SYT1: variants seen among roughly 807,000 people sequenced by gnomAD.
SYT1 encodes synaptotagmin-1.
A neutral mutation model predicts 44.8 loss-of-function variants in SYT1; 8 were observed. The observed-to-expected ratio is 0.18, with a 90% confidence interval of 0.10 to 0.32. SYT1 has a LOEUF of 0.32. Among genes scored for constraint, SYT1 ranks in the 10% least tolerant of loss-of-function variants. SYT1 has a pLI of 1.00. For synonymous variants in SYT1, 154 were observed against 188.8 expected (o/e 0.82, Z 1.51); for missense variants, 286 against 509.3 (o/e 0.56, Z 4.22).
intron 8 of SYT1, among the ~76,000 whole-genome samples, chr12:79,349,033 A>AAGAAAGAAAGAAAGAAAGAAAG (rs1367804411): frequency 2.5e-5 from 3 of 120,210 alleles, no homozygotes; most frequent in African/African-American, 9.8e-5. Flanking sequence ...GAAAGAAAGA[A>AAGAAAGAAAGAAAGAAAGAAAG]AAAGAAAGAA....
At chr12:79,266,625 G>A (rs763976640) in intron 4 of SYT1, among the ~76,000 whole-genome samples, 5 of 152,158 alleles carry the variant, frequency 3.3e-5, no homozygotes, top group Admixed American at 1.3e-4. Context: ...CCCTTCAGAC[G>A]CAAGAACAGA....
At chr12:78,904,110 C>A (rs958519787) in intron 1 of SYT1, among the ~76,000 whole-genome samples, 2 of 151,824 alleles carry the variant, frequency 1.3e-5, no homozygotes, top group Non-Finnish European at 2.9e-5. Flanking sequence ...AGTCATAAAC[C>A]AAATTTACTA....
At chr12:79,194,178 A>C (rs967213696) in intron 3 of SYT1, among the ~76,000 whole-genome samples, 5 of 152,186 alleles carry the variant, frequency 3.3e-5, no homozygotes, top group Non-Finnish European at 7.3e-5. Flanking sequence ...CCTGTCTCTC[A>C]GTAAATCTAG....
chr12:79,270,018 T>C (rs1005733063), intron 4 of SYT1, among the ~76,000 whole-genome samples: 5 of 152,202 alleles, frequency 3.3e-5, no homozygotes, highest in Admixed American at 3.3e-4. Flanking sequence ...AATGCACATA[T>C]TTCCAGAACT....
chr12:79,206,850 G>C (rs1874159062), intron 3 of SYT1, among the ~76,000 whole-genome samples: 1 of 152,214 alleles, frequency 6.6e-6, no homozygotes, highest in Non-Finnish European at 1.5e-5. Flanking sequence ...ACTATGTAGT[G>C]AAACTCAGAT....
intron 3 of SYT1, among the ~76,000 whole-genome samples, chr12:79,113,498 A>AC (rs560260695): frequency 7.9e-4 from 120 of 152,220 alleles, no homozygotes; most frequent in Non-Finnish European, 1.3e-3. Flanking sequence ...TGTCAATTGA[A>AC]TTTTGGAAAT....
chr12:79,313,214 T>G (rs1225093378), intron 8 of SYT1, among the ~76,000 whole-genome samples: 1 of 152,204 alleles, frequency 6.6e-6, no homozygotes, highest in Non-Finnish European at 1.5e-5. Context: ...CTTTTACAGT[T>G]TCACATGTGT....
At chr12:79,096,434 A>G (rs1878136158) in intron 3 of SYT1, among the ~76,000 whole-genome samples, 1 of 151,966 alleles carries the variant, frequency 6.6e-6, no homozygotes, top group Non-Finnish European at 1.5e-5. Context: ...TATACCAGCT[A>G]GCAGGGATCT....
intron 8 of SYT1, among the ~76,000 whole-genome samples, chr12:79,309,516 G>C (rs1880655524): frequency 6.6e-6 from 1 of 152,076 alleles, no homozygotes. Context: ...AGTAAAGTTT[G>C]AGTTAAAAGT....
At chr12:79,117,910 C>A (rs1016525217) in intron 3 of SYT1, among the ~76,000 whole-genome samples, 5 of 151,204 alleles carry the variant, frequency 3.3e-5, no homozygotes, top group African/African-American at 1.2e-4. Flanking sequence ...AGGGTTAGAG[C>A]CTAAATGTTC....
intron 4 of SYT1, among the ~76,000 whole-genome samples, chr12:79,281,320 G>GATAGATATAT (rs1203239941): frequency 2.0e-4 from 31 of 152,052 alleles, no homozygotes; most frequent in African/African-American, 7.0e-4. Flanking sequence ...GATAGATATA[G>GATAGATATAT]ATAGATAGAT....
intron 8 of SYT1, among the ~76,000 whole-genome samples, chr12:79,350,961 G>A (rs1882873731): frequency 2.0e-5 from 3 of 152,128 alleles, no homozygotes; most frequent in African/African-American, 7.2e-5. Flanking sequence ...TTTTTGAAAA[G>A]TAACTTCAGT....
rs922163761 is a variant in SYT1 at position 78,923,450 on chromosome 12, G to A, written c.-216-54349G>A. Among the ~76,000 whole-genome samples, 24 of 152,046 alleles carry A rather than the reference G, an allele frequency of 1.6e-4. 1 individual carries two copies. Among genetic ancestry groups the A allele is most frequent in the African/African-American group, 5.1e-4 (21 of 41,544 alleles). ...AGTGACTAAAAGTTTAGATGCTGAA[G>A]AGACAAGTTTACATCTTGGCTGTGG... is the stretch of plus-strand genomic sequence containing the variant. On this transcript the variant is annotated intron_variant, in intron 1 of 10. Transcript: ENST00000261205.
chr12:78,992,894 T>C (rs941406032), intron 2 of SYT1, among the ~76,000 whole-genome samples: 1 of 152,206 alleles, frequency 6.6e-6, no homozygotes, highest in African/African-American at 2.4e-5. Flanking sequence ...TAGAATAGTG[T>C]ATCCTTATTT....
At chr12:78,934,146 GTA>G (rs771044316) in intron 1 of SYT1, among the ~76,000 whole-genome samples, 3 of 149,928 alleles carry the variant, frequency 2.0e-5, no homozygotes, top group East Asian at 2.0e-4. Flanking sequence ...GTGTGTGTGT[GTA>G]TGTGCGTGTG....
chr12:78,922,065 A>G (rs1156377844), intron 1 of SYT1, among the ~76,000 whole-genome samples: 2 of 151,948 alleles, frequency 1.3e-5, no homozygotes, highest in Non-Finnish European at 2.9e-5. Context: ...AGTTACATCT[A>G]AATATTACTT....
chr12:78,887,602 C>T (rs998076692), intron 1 of SYT1, among the ~76,000 whole-genome samples: 5 of 151,862 alleles, frequency 3.3e-5, no homozygotes, highest in African/African-American at 1.2e-4. Context: ...AGTAGGGGAG[C>T]TGGAACATAT....
In SYT1 at chr12:78,962,429, A is replaced by G. The variant is rs568266601; in HGVS notation, c.-216-15370A>G. On this transcript the variant is annotated intron_variant, in intron 1 of 10. Transcript: ENST00000261205. The stretch of plus-strand genomic sequence containing the variant: ...TCTCTTGTGCAAACTTATCCTTTAT[A>G]GCCTAATGATCAATAAATATTGGAC... Among the ~76,000 whole-genome samples the G allele has an allele frequency of 4.7e-5, 7 of 148,714 alleles. No individual in the cohort carries two copies. In the South Asian group the frequency reaches 1.1e-3, roughly 22 times the overall value.
In SYT1 at chr12:78,953,364, C is replaced by G. The variant is rs188211758; in HGVS notation, c.-216-24435C>G. ...TCATGTGCTGCTATTGCACCCATCA[C>G]ATTGATTTGTTATAGCTCCTAGGGG... On this transcript the variant is annotated intron_variant, in intron 1 of 10. Transcript: ENST00000261205. Among the ~76,000 whole-genome samples the G allele has an allele frequency of 7.9e-4, 120 of 152,212 alleles. 1 individual carries two copies. The highest frequency in any genetic ancestry group is 1.6e-3 in the Non-Finnish European group (107 of 68,008).
Sources: gnomAD v4.1 joint callset for allele counts (sites outside exome capture counted in the v4.1 genomes callset) on GRCh38, gnomAD v4.1.1 for gene constraint, MANE v1.5 for transcripts, NCBI Gene and HGNC (gene_info 2026-07-23, HGNC 2026-07-21) for gene names.